The following IGF2R variants were observed in gnomAD, a reference collection of about 807,000 sequenced individuals.
IGF2R encodes the protein insulin like growth factor 2 receptor, also known as cation-independent mannose-6-phosphate receptor.
In IGF2R, 91 loss-of-function variants were observed where a neutral mutation model predicts 270.6. The ratio of observed to expected loss-of-function variants is 0.34; its 90% CI spans 0.28 to 0.40. The LOEUF is 0.40. IGF2R is among the 10% of genes least tolerant of loss of function. IGF2R has a pLI of 1.00. For missense variants in IGF2R, 2,805 were observed against 3,188.3 expected (o/e 0.88, Z 2.90); for synonymous variants, 1,316 against 1,258.9 (o/e 1.05, Z -0.96).
intron 19 of IGF2R, among the ~76,000 whole-genome samples, chr6:160,053,233 A>G (rs1778237781): frequency 6.6e-6 from 1 of 152,076 alleles, no homozygotes; most frequent in African/African-American, 2.4e-5. Context: ...GATCACTTGG[A>G]CACACGGTGG....
intron 2 of IGF2R, chr6:160,005,354 G>C (rs546882038): frequency 1.3e-5 from 2 of 152,466 alleles, no homozygotes; most frequent in South Asian, 4.1e-4. Flanking sequence ...GGGGCCTGGC[G>C]TGGTGGCGGC....
chr6:160,071,881 C>G, intron 31 of IGF2R, 29 bp from the exon 32 acceptor site: 1 of 1,613,840 alleles, frequency 6.2e-7, no homozygotes, highest in Non-Finnish European at 8.5e-7. Context: ...TGCGTGATCC[C>G]TTCAGGACCT....
Position 160,064,458 on chromosome 6 carries a change from G to C in IGF2R, c.3944G>C (p.Gly1315Ala), listed in dbSNP as rs8191859. The C allele has an allele frequency of 4.4e-4, 705 of 1,614,076 alleles. No homozygotes were observed. The highest frequency in any genetic ancestry group is 6.6e-4 in the Middle Eastern group (4 of 6,062). Residue 1315 changes from glycine to alanine, a missense_variant, in exon 28 of 48, where the codon GGG becomes GCG. Physicochemically the swap from Gly to Ala is moderately conservative, Grantham distance 60. Transcript: ENST00000356956. ...GGCTTGTTAAAAATGAACTTCACGG[G>C]GGGGGACACTTGCCATAAGGTTTAT... ...ENGLLKMNFT[G>A]GDTCHKVYQR...
chr6:160,104,525 TG>T, intron 47 of IGF2R, 148 bp from the exon 48 acceptor site: 1 of 767,094 alleles, frequency 1.3e-6, no homozygotes, highest in Non-Finnish European at 2.1e-6. Flanking sequence ...TTCCTTTCCC[TG>T]GGAACTGGAG....
Position 160,042,997 on chromosome 6 carries a change from C to T in IGF2R, c.1481-151C>T, listed in dbSNP as rs1028890152. Reference sequence around the variant, plus strand: ...CTCGGTGAATTTTTGTGCTTTCAGTCTGCCCGGGTTCCAGAAACAGCGCTG... The same window carrying T: ...CTCGGTGAATTTTTGTGCTTTCAGTTTGCCCGGGTTCCAGAAACAGCGCTG... On this transcript the variant is annotated intron_variant, in intron 11 of 47. Transcript: ENST00000356956. 6.9e-6 allele frequency: 5 copies of T among 724,096 alleles called. No individual in the cohort carries two copies. In the South Asian group the frequency reaches 9.7e-5, roughly 14 times the overall value. 44.9% of individuals were successfully genotyped at this position (724,096 alleles called of 1,614,324 possible). A position where few individuals can be genotyped will look rare whatever the true frequency, so the allele number is the denominator to read the frequency against.
chr6:159,998,542 C>T lies in IGF2R; in HGVS notation c.289+7219C>T, dbSNP rs1247431817. ...CCCGTGGAATAGGAAACGATGCCTA[C>T]AGGGGAGATACCAAAGATAACTAGA... On this transcript the variant is annotated intron_variant, in intron 2 of 47. Coordinates refer to ENST00000356956, the MANE Select transcript of IGF2R (RefSeq NM_000876.4). The surrounding 1 kb of genome is among the most constrained non-coding windows in gnomAD (Gnocchi z 4.1). Among the ~76,000 whole-genome samples, 1 of 152,140 alleles carries T rather than the reference C, an allele frequency of 6.6e-6. No individual in the cohort carries two copies. Among genetic ancestry groups the T allele is most frequent in the Non-Finnish European group, 1.5e-5 (1 of 68,022 alleles).
intron 36 of IGF2R, among the ~76,000 whole-genome samples, chr6:160,076,488 C>T (rs889927144): frequency 6.6e-6 from 1 of 152,168 alleles, no homozygotes; most frequent in Non-Finnish European, 1.5e-5. Flanking sequence ...AAAAAGAATA[C>T]CAGCTTCCAT....
chr6:160,070,907 C>CTGAG (rs1261040911), intron 31 of IGF2R, among the ~76,000 whole-genome samples: 6 of 152,160 alleles, frequency 3.9e-5, no homozygotes, highest in African/African-American at 1.4e-4. Flanking sequence ...GAGGCTTAGT[C>CTGAG]CAGACTCATG....
intron 4 of IGF2R, among the ~76,000 whole-genome samples, chr6:160,015,924 A>G (rs892161295): frequency 3.3e-5 from 5 of 152,188 alleles, no homozygotes; most frequent in African/African-American, 1.2e-4. Context: ...GCTGTGAGAT[A>G]TGCTTGCTCC....
chr6:160,066,183 T>C (rs1778581318), intron 29 of IGF2R, among the ~76,000 whole-genome samples: 1 of 151,728 alleles, frequency 6.6e-6, no homozygotes, highest in Non-Finnish European at 1.5e-5. Flanking sequence ...CCTGGCGAAT[T>C]TTTTTGTATT....
In IGF2R at chr6:160,038,998, G is replaced by A. The variant is rs535807584; in HGVS notation, c.1316-1562G>A. ...CAAATTATTTAGCCACCCTAAATCT[G>A]CAAAATGGTGCTAAAATTGTACCTT... is the stretch of plus-strand genomic sequence containing the variant. On this transcript the variant is annotated intron_variant, in intron 10 of 47. Coordinates refer to ENST00000356956, the MANE Select transcript of IGF2R (RefSeq NM_000876.4). Among the ~76,000 whole-genome samples the A allele has an allele frequency of 1.0e-3, 152 of 152,306 alleles. 2 individuals carry two copies. The highest frequency in any genetic ancestry group is 9.9e-3 in the Admixed American group (151 of 15,300).
chr6:159,980,958 C>T (rs1033214610), intron 1 of IGF2R, among the ~76,000 whole-genome samples: 21 of 152,192 alleles, frequency 1.4e-4, no homozygotes, highest in African/African-American at 4.8e-4. Context: ...AAAATCATCA[C>T]GGAGCAGGGT....
At chr6:159,982,065 C>G (rs547729296) in intron 1 of IGF2R, among the ~76,000 whole-genome samples, 1 of 152,346 alleles carries the variant, frequency 6.6e-6, no homozygotes, top group South Asian at 2.1e-4. Context: ...AACTCACGTG[C>G]TTCCCCAGCC....
chr6:159,990,077 A>AG (rs1783953167), intron 1 of IGF2R, among the ~76,000 whole-genome samples: 1 of 152,228 alleles, frequency 6.6e-6, no homozygotes, highest in African/African-American at 2.4e-5. Flanking sequence ...TAGCTCTAAG[A>AG]GGTAAAAGCA....
intron 26 of IGF2R, 44 bp from the exon 27 acceptor site, chr6:160,063,371 G>A (rs757794814): frequency 9.8e-6 from 14 of 1,425,572 alleles, no homozygotes; most frequent in Admixed American, 8.4e-5. Flanking sequence ...ATGTGAATGC[G>A]TGTGTGGTTG....
At chr6:160,005,288 G>T (rs1361513974) in intron 2 of IGF2R, 1 of 152,750 alleles carries the variant, frequency 6.5e-6, no homozygotes, top group African/African-American at 2.4e-5. Context: ...CTTGGGGTCT[G>T]CAGTGCTGGG....
intron 10 of IGF2R, 148 bp from the exon 11 acceptor site, chr6:160,040,412 A>T (rs1777918814): frequency 1.6e-6 from 1 of 626,170 alleles, no homozygotes; most frequent in Non-Finnish European, 2.9e-6. Context: ...GTGTCAACTC[A>T]GATCCCCATG....
chr6:160,070,885 GA>G (rs1778704751), intron 31 of IGF2R, among the ~76,000 whole-genome samples: 1 of 152,198 alleles, frequency 6.6e-6, no homozygotes, highest in Admixed American at 6.5e-5. Flanking sequence ...TTCCTCTTGG[GA>G]AGATTGTGCA....
At position 160,102,534 on chromosome 6, in the gene IGF2R, C is replaced by T. The variant is rs905831616; in HGVS notation, c.6858C>T (p.Ser2286=). ...AVCPLGVGFD[S]ENPGDDGQMH... ...GTCCTTGCAGGGTGGGCTTTGACAG[C>T]GAGAATCCCGGGGACGACGGGCAGA... The change falls in exon 46 of 48, where the codon AGC becomes AGT. Residue 2286 remains serine (S), a synonymous_variant. Transcript: ENST00000356956. This position sits in a 1 kb window ranked among gnomAD's most constrained non-coding sequence, Gnocchi z 4.5. The T allele has an allele frequency of 1.4e-5, 23 of 1,612,146 alleles. No homozygotes were observed. Among genetic ancestry groups the T allele is most frequent in the East Asian group, 8.9e-5 (4 of 44,848 alleles).
Sources: allele counts gnomAD v4.1 joint callset (sites outside exome capture counted in the v4.1 genomes callset), GRCh38; gene constraint gnomAD v4.1.1; non-coding constraint Gnocchi (gnomAD v3.1); transcripts MANE v1.5; gene names NCBI Gene and HGNC (gene_info 2026-07-23, HGNC 2026-07-21).